Variants in GPC5 observed in about 807,000 individuals in gnomAD.
GPC5 encodes glypican-5.
Under a neutral mutation model 53.9 loss-of-function variants are expected in GPC5, and 47 were observed. That is an observed-to-expected ratio of 0.87 (90% CI 0.69 to 1.11). The LOEUF (loss-of-function observed/expected upper bound fraction) is 1.11. Ranked by LOEUF, GPC5 falls within the 50% of genes most tolerant of loss-of-function variation. The pLI is 0.00. For missense variants in GPC5, 748 were observed against 713.1 expected (o/e 1.05, Z -0.56); for synonymous variants, 286 against 263.3 (o/e 1.09, Z -0.84).
intron 1 of GPC5, among the ~76,000 whole-genome samples, chr13:91,437,900 T>C (rs1594090219): frequency 6.6e-6 from 1 of 152,226 alleles, no homozygotes; most frequent in Non-Finnish European, 1.5e-5. Context: ...CCTTCTCGCT[T>C]CATTTCATTC....
Position 92,685,574 on chromosome 13 carries a change from T to A in GPC5, c.1562-180708T>A, listed in dbSNP as rs867865614. On this transcript the variant is annotated intron_variant, in intron 7 of 7. Transcript: ENST00000377067. ...TTTTTTTTTTAATTTTTTTTTTTTT[T>A]ATTATACTCTAAGTTTTAGGGTACA... Among the ~76,000 whole-genome samples the A allele has an allele frequency of 4.8e-4, 41 of 84,740 alleles. No individual in the cohort carries two copies. In the East Asian group the frequency reaches 6.6e-3, roughly 14 times the overall value. 55.6% of individuals were successfully genotyped at this position (84,740 alleles called of 152,430 possible). A position where few individuals can be genotyped will look rare whatever the true frequency, so the allele number is the denominator to read the frequency against.
At chr13:92,762,183 TA>T (rs764372073) in intron 7 of GPC5, among the ~76,000 whole-genome samples, 7 of 151,224 alleles carry the variant, frequency 4.6e-5, no homozygotes, top group Non-Finnish European at 8.9e-5. Context: ...GTATGAAGGC[TA>T]AAAAAAAATC....
chr13:92,723,642 A>G (rs924061202), intron 7 of GPC5, among the ~76,000 whole-genome samples: 2 of 151,584 alleles, frequency 1.3e-5, no homozygotes, highest in Admixed American at 1.3e-4. Flanking sequence ...CTCCATATTT[A>G]TTTTTCCCCA....
intron 3 of GPC5, among the ~76,000 whole-genome samples, chr13:91,717,140 GA>G (rs1460293497): frequency 2.0e-5 from 3 of 152,184 alleles, no homozygotes; most frequent in Non-Finnish European, 2.9e-5. Context: ...TGAAGAAGTG[GA>G]AACAGGCAAG....
chr13:91,940,411 T>G (rs1420943831), intron 6 of GPC5, among the ~76,000 whole-genome samples: 1 of 152,198 alleles, frequency 6.6e-6, no homozygotes, highest in African/African-American at 2.4e-5. Flanking sequence ...GCATCTAGGT[T>G]GATTTAATGT....
chr13:92,262,894 A>C (rs2042776437), intron 7 of GPC5, among the ~76,000 whole-genome samples: 1 of 152,164 alleles, frequency 6.6e-6, no homozygotes, highest in Admixed American at 6.6e-5. Context: ...TTATCCTTTG[A>C]GTAGGCTAAG....
chr13:91,640,164 C>T (rs1299561251), intron 2 of GPC5, among the ~76,000 whole-genome samples: 2 of 151,914 alleles, frequency 1.3e-5, no homozygotes, highest in Non-Finnish European at 2.9e-5. Flanking sequence ...AGAGAGATTC[C>T]GCATAGCAAA....
intron 7 of GPC5, among the ~76,000 whole-genome samples, chr13:92,329,453 G>C (rs1011790780): frequency 1.3e-5 from 2 of 152,042 alleles, no homozygotes; most frequent in African/African-American, 4.8e-5. Context: ...CCTCATAAGG[G>C]ATTTACTGCC....
intron 6 of GPC5, 114 bp from the exon 7 acceptor site, chr13:92,144,716 T>G: frequency 1.0e-6 from 1 of 983,802 alleles, no homozygotes; most frequent in South Asian, 1.7e-5. Context: ...ACTTGGTGTC[T>G]ACACCAAAAG....
In GPC5 at chr13:92,371,680, C is replaced by G. The variant is rs115341696; in HGVS notation, c.1561+226691C>G. 7.5e-3 allele frequency among the ~76,000 whole-genome samples: 1,135 copies of G among 152,180 alleles called. 10 individuals are homozygous for G. Among genetic ancestry groups the G allele is most frequent in the African/African-American group, 0.026 (1,066 of 41,526 alleles). On this transcript the variant is annotated intron_variant, in intron 7 of 7. Coordinates refer to ENST00000377067, the MANE Select transcript of GPC5 (RefSeq NM_004466.6). ...GAAGTGCTAAGCGAAGGGGGAAGATCCCCTTATAAAACCTTCAGATCTGGT... is the reference window on the plus strand; with the variant it reads ...GAAGTGCTAAGCGAAGGGGGAAGATGCCCTTATAAAACCTTCAGATCTGGT...
At chr13:92,372,396 A>T (rs534229055) in intron 7 of GPC5, among the ~76,000 whole-genome samples, 8 of 152,170 alleles carry the variant, frequency 5.3e-5, no homozygotes, top group Non-Finnish European at 1.2e-4. Context: ...GATATTACAA[A>T]TATCTGTAAA....
At chr13:91,488,843 A>G (rs559572759) in intron 2 of GPC5, among the ~76,000 whole-genome samples, 43 of 152,342 alleles carry the variant, frequency 2.8e-4, no homozygotes, top group African/African-American at 6.7e-4. Context: ...TCAAAAGCAA[A>G]TGGGAGAAAT....
At chr13:91,756,272 G>A (rs1232510103) in intron 4 of GPC5, 23 bp from the exon 5 acceptor site, 11 of 1,464,780 alleles carry the variant, frequency 7.5e-6, no homozygotes, top group African/African-American at 1.4e-5. Context: ...GGTTTTAATT[G>A]TTTTCTTTCT....
At chr13:92,367,173 G>T (rs1391288167) in intron 7 of GPC5, among the ~76,000 whole-genome samples, 1 of 151,962 alleles carries the variant, frequency 6.6e-6, no homozygotes, top group Non-Finnish European at 1.5e-5. Flanking sequence ...AAATCCTCGG[G>T]CAGATAGCTG....
chr13:92,427,795 T>G (rs1876901776), intron 7 of GPC5, among the ~76,000 whole-genome samples: 1 of 152,146 alleles, frequency 6.6e-6, no homozygotes, highest in African/African-American at 2.4e-5. Flanking sequence ...AGATCTCAAT[T>G]AGTGATAGGA....
chr13:92,587,179 A>G (rs376789068), intron 7 of GPC5, among the ~76,000 whole-genome samples: 6 of 152,134 alleles, frequency 3.9e-5, no homozygotes, highest in African/African-American at 1.4e-4. Context: ...ATGGAAGAAA[A>G]ATTCTATTTT....
In GPC5 at chr13:92,708,169, A is replaced by G. The variant is rs185120348; in HGVS notation, c.1562-158113A>G. ...TATTTTTCAACTAACTTCAAATCCA[A>G]AGATATAAGACAAATTTTGAAGAAC... On this transcript the variant is annotated intron_variant, in intron 7 of 7. Transcript: ENST00000377067. Among the ~76,000 whole-genome samples the G allele has an allele frequency of 1.1e-4, 16 of 152,268 alleles. No individual in the cohort carries two copies. In the East Asian group the frequency reaches 3.1e-3, roughly 29 times the overall value.
At chr13:91,954,759 A>G (rs1464128068) in intron 6 of GPC5, among the ~76,000 whole-genome samples, 1 of 152,088 alleles carries the variant, frequency 6.6e-6, no homozygotes, top group Non-Finnish European at 1.5e-5. Flanking sequence ...TAAGACTGAT[A>G]TCTAAAAAAC....
chr13:91,793,115 T>C (rs180918773), intron 5 of GPC5, among the ~76,000 whole-genome samples: 1 of 152,268 alleles, frequency 6.6e-6, no homozygotes, highest in Non-Finnish European at 1.5e-5. Context: ...AGGAAAGAGA[T>C]TTAATTGACT....
Sources: allele counts gnomAD v4.1 joint callset (sites outside exome capture counted in the v4.1 genomes callset), GRCh38; gene constraint gnomAD v4.1.1; transcripts MANE v1.5; gene names NCBI Gene and HGNC (gene_info 2026-07-23, HGNC 2026-07-21).